The following ZDHHC21 variants were observed in gnomAD, a reference collection of about 807,000 sequenced individuals.
ZDHHC21 encodes the protein palmitoyltransferase ZDHHC21.
A neutral mutation model predicts 34.6 loss-of-function variants in ZDHHC21; 15 were observed. The observed-to-expected ratio is 0.43, with a 90% confidence interval of 0.29 to 0.67. ZDHHC21 has a LOEUF of 0.67. Among genes scored for constraint, ZDHHC21 ranks in the 30% least tolerant of loss-of-function variants. ZDHHC21 has a pLI of 0.14. For synonymous variants in ZDHHC21, 142 were observed against 101.8 expected (o/e 1.40, Z -2.38); for missense variants, 344 against 327.7 (o/e 1.05, Z -0.38).
At chr9:14,686,398 C>G (rs538833570) in intron 2 of ZDHHC21, among the ~76,000 whole-genome samples, 4 of 152,176 alleles carry the variant, frequency 2.6e-5, no homozygotes, top group African/African-American at 9.6e-5. Context: ...AGACAGGGAA[C>G]AAAGGCCAAG....
At chr9:14,603,764 CT>C in the ZDHHC21 span, among the ~76,000 whole-genome samples, 1 of 152,116 alleles carries the variant, frequency 6.6e-6, no homozygotes, top group Non-Finnish European at 1.5e-5. Context: ...AATCGCTGCT[CT>C]TTATTAAGAA....
rs1476420231 is a variant in ZDHHC21, at chr9:14,631,895, T to C, written c.621+8001A>G. ...TAGTAACATCAAAGATCACCAATCATAGATCATAGTAACAGATATAATAAT... is the reference window on the plus strand; with the variant it reads ...TAGTAACATCAAAGATCACCAATCACAGATCATAGTAACAGATATAATAAT... On this transcript the variant is annotated intron_variant, in intron 8 of 9. Coordinates refer to ENST00000380916, the MANE Select transcript of ZDHHC21 (RefSeq NM_178566.6). Among the ~76,000 whole-genome samples, 6 of 152,270 alleles carry C rather than the reference T, an allele frequency of 3.9e-5. No homozygotes were observed. In the South Asian group the frequency reaches 6.2e-4, roughly 16 times the overall value.
At chr9:14,671,195 C>G (rs1014045362) in intron 5 of ZDHHC21, among the ~76,000 whole-genome samples, 1 of 151,956 alleles carries the variant, frequency 6.6e-6, no homozygotes, top group Non-Finnish European at 1.5e-5. Flanking sequence ...TGGAGATTTA[C>G]TAATGCTGTG....
chr9:14,602,322 C>G, the ZDHHC21 span, among the ~76,000 whole-genome samples: 2 of 151,854 alleles, frequency 1.3e-5, no homozygotes, highest in South Asian at 4.2e-4. Flanking sequence ...TGAAGAAAGC[C>G]TACAATGACA....
At chr9:14,674,951 G>A (rs1335913166) in intron 3 of ZDHHC21, among the ~76,000 whole-genome samples, 5 of 151,922 alleles carry the variant, frequency 3.3e-5, no homozygotes, top group African/African-American at 4.8e-5. Flanking sequence ...TCACTGAGCT[G>A]TATACTTCAG....
intron 7 of ZDHHC21, among the ~76,000 whole-genome samples, chr9:14,646,416 C>G (rs1830286460): frequency 1.3e-5 from 2 of 151,828 alleles, no homozygotes; most frequent in African/African-American, 2.4e-5. Flanking sequence ...TTTAGAAAAC[C>G]AAACTCTTAA....
At chr9:14,643,230 AGAGT>A (rs1192248125) in intron 7 of ZDHHC21, among the ~76,000 whole-genome samples, 5 of 152,184 alleles carry the variant, frequency 3.3e-5, no homozygotes, top group African/African-American at 1.2e-4. Flanking sequence ...CCTGGGCAAC[AGAGT>A]GAGACTCTGT....
chr9:14,692,767 A>C (rs1430680362), intron 1 of ZDHHC21, among the ~76,000 whole-genome samples: 2 of 152,090 alleles, frequency 1.3e-5, no homozygotes, highest in Admixed American at 1.3e-4. Context: ...GCAGCTTCAC[A>C]CCAGAAGTCT....
At chr9:14,640,193 T>C (rs958648147) in intron 7 of ZDHHC21, among the ~76,000 whole-genome samples, 181 bp from the exon 8 acceptor site, 3 of 151,156 alleles carry the variant, frequency 2.0e-5, no homozygotes, top group African/African-American at 7.3e-5. Context: ...CAAAAATAGG[T>C]ATTTTAATTT....
At chr9:14,595,829 T>A in the ZDHHC21 span, among the ~76,000 whole-genome samples, 554 of 152,270 alleles carry the variant, frequency 3.6e-3, 2 homozygotes, top group South Asian at 1.0e-2. Flanking sequence ...AATATGCACA[T>A]AAAAGATGTT....
At chr9:14,664,441 C>G (rs1353066636) in intron 5 of ZDHHC21, among the ~76,000 whole-genome samples, 1 of 151,182 alleles carries the variant, frequency 6.6e-6, no homozygotes, top group African/African-American at 2.4e-5. Context: ...GAGGGGCGCC[C>G]GCCATTGCCC....
chr9:14,644,058 T>C (rs553208509), intron 7 of ZDHHC21, among the ~76,000 whole-genome samples: 104 of 152,344 alleles, frequency 6.8e-4, no homozygotes, highest in African/African-American at 2.4e-3. Context: ...TCACGTATAA[T>C]ATATTCTCTC....
At position 14,658,843 on chromosome 9, in the gene ZDHHC21, T is replaced by A. The variant is rs1435246327; in HGVS notation, c.410A>T (p.Gln137Leu). Reference sequence around the variant, plus strand: ...AAGAAGTTCAGTGTAGAAACACAACTGCAGAAAGAGCCAATGATTATCTTC... The same window carrying A: ...AAGAAGTTCAGTGTAGAAACACAACAGCAGAAAGAGCCAATGATTATCTTC... Reference protein sequence around the residue: ...VGEDNHWLFLQLCFYTELLTC... With the variant: ...VGEDNHWLFLLLCFYTELLTC... Residue 137 changes from glutamine (Q) to leucine (L), a missense_variant, in exon 7 of 10, where the codon CAG becomes CTG. Physicochemically the swap from Gln to Leu is moderately radical, Grantham distance 113 (BLOSUM62 -2). Transcript: ENST00000380916. The A allele has an allele frequency of 1.2e-5, 19 of 1,613,226 alleles. No homozygotes were observed. The highest frequency in any genetic ancestry group is 1.6e-5 in the Non-Finnish European group (19 of 1,179,582).
chr9:14,661,189 T>C (rs1354026186), intron 6 of ZDHHC21, among the ~76,000 whole-genome samples: 1 of 152,208 alleles, frequency 6.6e-6, no homozygotes, highest in Non-Finnish European at 1.5e-5. Flanking sequence ...GCTCTTACTT[T>C]TTCCTATTTC....
chr9:14,588,808 C>G, the ZDHHC21 span: 1 of 152,094 alleles, frequency 6.6e-6, no homozygotes, highest in African/African-American at 2.4e-5. Context: ...TCACAATCAA[C>G]TCTGGCTTTA....
intron 7 of ZDHHC21, among the ~76,000 whole-genome samples, chr9:14,657,301 T>C (rs890760577): frequency 6.6e-6 from 1 of 152,112 alleles, no homozygotes; most frequent in Admixed American, 6.5e-5. Flanking sequence ...GTAACATAAA[T>C]TGAATGTCTA....
chr9:14,612,682 C>T lies in ZDHHC21; in HGVS notation c.*6284G>A, dbSNP rs972166567. The T allele has an allele frequency of 4.0e-5, 6 of 151,578 alleles. No individual in the cohort carries two copies. In the East Asian group the frequency reaches 1.2e-3, roughly 29 times the overall value. The allele number at this position is 151,578 out of a possible 1,614,324, so 9.4% of individuals were successfully genotyped here. The stretch of plus-strand genomic sequence containing the variant: ...TATGCATTTCCTCTTGGGAAAGCAT[C>T]TCTCTCTCTGTCTCTCTCTCTGTCT... On this transcript the variant is annotated 3_prime_UTR_variant, in exon 10 of 10. Coordinates refer to ENST00000380916, the MANE Select transcript of ZDHHC21 (RefSeq NM_178566.6).
intron 7 of ZDHHC21, among the ~76,000 whole-genome samples, chr9:14,649,641 T>G (rs1473252436): frequency 6.6e-6 from 1 of 152,074 alleles, no homozygotes; most frequent in Non-Finnish European, 1.5e-5. Flanking sequence ...AACAAATAAT[T>G]ATTTATACCT....
the ZDHHC21 span, among the ~76,000 whole-genome samples, chr9:14,599,253 A>G: frequency 1.3e-5 from 2 of 152,156 alleles, no homozygotes; most frequent in South Asian, 2.1e-4. Context: ...TACCCGGCTC[A>G]TCTCATTGGG....
Sources: allele counts gnomAD v4.1 joint callset (sites outside exome capture counted in the v4.1 genomes callset), GRCh38; gene constraint gnomAD v4.1.1; transcripts MANE v1.5; gene names NCBI Gene and HGNC (gene_info 2026-07-23, HGNC 2026-07-21).